Variants in UPF2 observed in about 807,000 individuals in gnomAD.
UPF2 encodes regulator of nonsense transcripts 2.
Under a neutral mutation model 141.4 loss-of-function variants are expected in UPF2, and 17 were observed. That is an observed-to-expected ratio of 0.12 (90% CI 0.08 to 0.18). The LOEUF (loss-of-function observed/expected upper bound fraction) is 0.18. Ranked by LOEUF, UPF2 falls within the 10% of genes least tolerant of loss-of-function variation. UPF2 has a pLI of 1.00. For synonymous variants in UPF2, 540 were observed against 498.0 expected (o/e 1.08, Z -1.12); for missense variants, 1,152 against 1,515.9 (o/e 0.76, Z 3.99).
intron 16 of UPF2, among the ~76,000 whole-genome samples, chr10:11,944,733 T>C (rs150953941): frequency 9.7e-4 from 147 of 152,320 alleles, no homozygotes; most frequent in African/African-American, 3.3e-3. Flanking sequence ...TCAGGGAATG[T>C]AGCATGCATT....
chr10:11,930,670 G>C (rs969626809), intron 20 of UPF2, among the ~76,000 whole-genome samples: 1 of 152,068 alleles, frequency 6.6e-6, no homozygotes, highest in Non-Finnish European at 1.5e-5. Flanking sequence ...TAGCTACTTG[G>C]GGGCTGAGGC....
At chr10:12,000,038 T>TA (rs373564148) in intron 6 of UPF2, 29 bp from the exon 7 acceptor site, 5,449 of 1,324,552 alleles carry the variant, frequency 4.1e-3, no homozygotes, top group Non-Finnish European at 4.4e-3. Flanking sequence ...TTAAATAGGT[T>TA]AAAAAAAAAA....
intron 11 of UPF2, among the ~76,000 whole-genome samples, chr10:11,961,036 G>A (rs1833232317): frequency 6.7e-6 from 1 of 149,748 alleles, no homozygotes; most frequent in Middle Eastern, 3.2e-3. Flanking sequence ...GCTGCAGTGA[G>A]CTATAATCAC....
chr10:11,926,677 C>T (rs1401179790), intron 21 of UPF2, among the ~76,000 whole-genome samples: 3 of 151,572 alleles, frequency 2.0e-5, no homozygotes, highest in African/African-American at 4.8e-5. Flanking sequence ...CTGCCTAGAC[C>T]TAGGGACTGA....
intron 1 of UPF2, among the ~76,000 whole-genome samples, chr10:12,040,021 T>C (rs1309367894): frequency 3.9e-5 from 6 of 152,224 alleles, no homozygotes; most frequent in Non-Finnish European, 7.3e-5. Context: ...TCATCATTTA[T>C]TAGTTCAACA....
At chr10:12,034,742 T>G (rs1331993708) in intron 2 of UPF2, among the ~76,000 whole-genome samples, 1 of 151,998 alleles carries the variant, frequency 6.6e-6, no homozygotes, top group Non-Finnish European at 1.5e-5. Flanking sequence ...GAGGCGGAGG[T>G]TGGAGTGAGC....
intron 9 of UPF2, among the ~76,000 whole-genome samples, chr10:11,973,899 T>C (rs184560511): frequency 2.2e-3 from 331 of 152,320 alleles, no homozygotes; most frequent in African/African-American, 7.6e-3. Context: ...AACTTTCAAG[T>C]AGTTTTTTCC....
At chr10:11,946,400 A>C (rs1357107557) in intron 16 of UPF2, among the ~76,000 whole-genome samples, 1 of 152,212 alleles carries the variant, frequency 6.6e-6, no homozygotes, top group Non-Finnish European at 1.5e-5. Context: ...TATCTTATGA[A>C]TGTCATAAAC....
In UPF2 at chr10:11,980,844, T is replaced by C. The variant is rs1833579768; in HGVS notation, c.1845-1679A>G. ...CGATCTGGAAAGCTCCTCAGATGGA[T>C]ACATTAACCCTTAGCTAAAGGGACA... On this transcript the variant is annotated intron_variant, in intron 8 of 21. Transcript: ENST00000357604. The surrounding 1 kb of genome is among the most constrained non-coding windows in gnomAD (Gnocchi z 4.2). Among the ~76,000 whole-genome samples the C allele has an allele frequency of 2.0e-5, 3 of 152,098 alleles. No homozygotes were observed. The highest frequency in any genetic ancestry group is 2.1e-4 in the South Asian group (1 of 4,828).
At chr10:12,040,179 G>A (rs1036382024) in intron 1 of UPF2, among the ~76,000 whole-genome samples, 8 of 152,106 alleles carry the variant, frequency 5.3e-5, no homozygotes, top group Non-Finnish European at 1.2e-4. Context: ...CCAGCACTTT[G>A]GGAGGCCGAG....
At chr10:11,941,026 C>T (rs1832930052) in intron 18 of UPF2, among the ~76,000 whole-genome samples, 1 of 152,150 alleles carries the variant, frequency 6.6e-6, no homozygotes, top group South Asian at 2.1e-4. Context: ...AATGCCCTTC[C>T]CTTAATCTCT....
intron 1 of UPF2, among the ~76,000 whole-genome samples, chr10:12,038,230 A>G (rs1166011032): frequency 6.6e-6 from 1 of 151,904 alleles, no homozygotes; most frequent in East Asian, 1.9e-4. Context: ...TGAAAATACA[A>G]AAATTAGCTG....
intron 2 of UPF2, among the ~76,000 whole-genome samples, chr10:12,034,327 A>ACT: frequency 6.6e-6 from 1 of 151,054 alleles, no homozygotes. Flanking sequence ...TTATTATTTT[A>ACT]TTTTTTTTTT....
chr10:11,956,134 G>C lies in UPF2; in HGVS notation c.2574+186C>G, dbSNP rs1217519852. Among the ~76,000 whole-genome samples, 1 of 146,190 alleles carries C rather than the reference G, an allele frequency of 6.8e-6. No homozygotes were observed. The highest frequency in any genetic ancestry group is 1.5e-5 in the Non-Finnish European group (1 of 66,842). ...TGCACTCCAGCCTGGGTGACACAGC[G>C]AGACTCAGTCTCAAAAAAAAAAAAA... On this transcript the variant is annotated intron_variant, in intron 13 of 21. Coordinates refer to ENST00000357604, the MANE Select transcript of UPF2 (RefSeq NM_015542.4). This position sits in a 1 kb window ranked among gnomAD's most constrained non-coding sequence, Gnocchi z 4.2.
chr10:12,040,728 A>G (rs1031802343), intron 1 of UPF2, among the ~76,000 whole-genome samples: 3 of 152,260 alleles, frequency 2.0e-5, no homozygotes, highest in African/African-American at 4.8e-5. Context: ...TGATAGCTAC[A>G]GAAATCAGGC....
Position 11,936,607 on chromosome 10 carries a change from C to T in UPF2, c.3484G>A (p.Glu1162Lys). ...GGCATTGTGTCTGCAGACTCAGCCT[C>T]TCCTTCCCCACCTCCCAGTGGGGGC... ...KGPPLGGGEGEAESADTMPFV... is the reference protein window; with the variant it reads ...KGPPLGGGEGKAESADTMPFV... Residue 1162 changes from glutamate (E) to lysine (K), a missense_variant, in exon 19 of 22, where the codon GAG becomes AAG. Glu to Lys is a moderately conservative substitution (Grantham distance 56, BLOSUM62 1). Around this residue, in one of 4 missense-constraint regions of UPF2, gnomAD observed 202 missense variants for 223.6 expected, o/e 0.90. Transcript: ENST00000357604. This position sits in a 1 kb window ranked among gnomAD's most constrained non-coding sequence, Gnocchi z 6.6. The T allele has an allele frequency of 6.2e-7, 1 of 1,613,288 alleles. No homozygotes were observed. Among genetic ancestry groups the T allele is most frequent in the East Asian group, 2.2e-5 (1 of 44,848 alleles).
intron 21 of UPF2, among the ~76,000 whole-genome samples, chr10:11,929,385 T>C (rs1261269935): frequency 6.6e-6 from 1 of 152,230 alleles, no homozygotes; most frequent in Admixed American, 6.5e-5. Flanking sequence ...CTGAAACCAA[T>C]GTCTTTGTAA....
intron 21 of UPF2, among the ~76,000 whole-genome samples, chr10:11,925,843 C>T (rs1347049780): frequency 6.6e-6 from 1 of 152,220 alleles, no homozygotes; most frequent in African/African-American, 2.4e-5. Flanking sequence ...TGTATGTCCA[C>T]CTGCACCACA....
At chr10:12,021,946 C>T (rs1365673492) in intron 3 of UPF2, among the ~76,000 whole-genome samples, 1 of 152,092 alleles carries the variant, frequency 6.6e-6, no homozygotes, top group African/African-American at 2.4e-5. Flanking sequence ...AGGAAACCAG[C>T]CTGGCCAACA....
Sources: allele counts gnomAD v4.1 joint callset (sites outside exome capture counted in the v4.1 genomes callset), GRCh38; gene constraint gnomAD v4.1.1; regional missense constraint gnomAD v4.1.1; non-coding constraint Gnocchi (gnomAD v3.1); transcripts MANE v1.5; gene names NCBI Gene and HGNC (gene_info 2026-07-23, HGNC 2026-07-21).